SORCS2: variants seen among roughly 807,000 people sequenced by gnomAD.
SORCS2 encodes the protein sortilin related VPS10 domain containing receptor 2.
A neutral mutation model predicts 141.6 loss-of-function variants in SORCS2; 100 were observed. The ratio of observed to expected loss-of-function variants is 0.71; its 90% CI spans 0.60 to 0.83. The LOEUF (loss-of-function observed/expected upper bound fraction) is 0.83. Ranked by LOEUF, SORCS2 falls within the 40% of genes least tolerant of loss-of-function variation. The pLI, the probability that SORCS2 is intolerant of heterozygous loss-of-function variation, is 0.00. For synonymous variants in SORCS2, 789 were observed against 676.9 expected (o/e 1.17, Z -2.57); for missense variants, 1,646 against 1,560.2 (o/e 1.05, Z -0.93).
intron 3 of SORCS2, among the ~76,000 whole-genome samples, chr4:7,631,551 C>A (rs1276617085): frequency 6.6e-6 from 1 of 152,148 alleles, no homozygotes; most frequent in Non-Finnish European, 1.5e-5. Flanking sequence ...CCACTTTGGC[C>A]CAGCCTGGGT....
intron 7 of SORCS2, among the ~76,000 whole-genome samples, chr4:7,666,551 T>C (rs1013645435): frequency 6.6e-6 from 1 of 152,092 alleles, no homozygotes; most frequent in Non-Finnish European, 1.5e-5. Flanking sequence ...ACCAACAAGG[T>C]GGCGGTGCTG....
chr4:7,296,718 C>T (rs887741957), intron 1 of SORCS2, among the ~76,000 whole-genome samples: 1 of 152,206 alleles, frequency 6.6e-6, no homozygotes, highest in African/African-American at 2.4e-5. Context: ...AGTTAATATT[C>T]ACTAACACGG....
chr4:7,487,833 T>G (rs1731087019), intron 2 of SORCS2, among the ~76,000 whole-genome samples: 1 of 152,118 alleles, frequency 6.6e-6, no homozygotes, highest in Non-Finnish European at 1.5e-5. Flanking sequence ...TCTCTGCGCT[T>G]TAATTAGGGG....
chr4:7,556,105 A>AATGATCCTCT (rs1714086098), intron 3 of SORCS2, among the ~76,000 whole-genome samples: 1 of 152,160 alleles, frequency 6.6e-6, no homozygotes, highest in African/African-American at 2.4e-5. Context: ...TTGTATTTGG[A>AATGATCCTCT]ATGATCCTCT....
At chr4:7,378,123 A>G (rs1464817371) in intron 1 of SORCS2, among the ~76,000 whole-genome samples, 1 of 152,232 alleles carries the variant, frequency 6.6e-6, no homozygotes, top group Non-Finnish European at 1.5e-5. Flanking sequence ...AGGCATATTT[A>G]TATCAAATAC....
intron 5 of SORCS2, among the ~76,000 whole-genome samples, chr4:7,660,313 G>A (rs543179673): frequency 3.3e-4 from 50 of 151,472 alleles, no homozygotes; most frequent in South Asian, 1.7e-3. Flanking sequence ...CACAGCCCCC[G>A]CCTGAGTGTC....
rs1052713944 is a variant in SORCS2 at position 7,299,922 on chromosome 4, A to C, written c.481-96366A>C. Among the ~76,000 whole-genome samples the C allele has an allele frequency of 4.6e-5, 7 of 152,198 alleles. No homozygotes were observed. The East Asian group carries it at 1.3e-3, about 29-fold the overall frequency. On this transcript the variant is annotated intron_variant, in intron 1 of 26. Coordinates refer to ENST00000507866, the MANE Select transcript of SORCS2 (RefSeq NM_020777.3). ...CCCGCTGGACACTGCACCCTGCTCC[A>C]ACTGCGGCTGCCTTCTGAGCTGAGG...
In SORCS2 at chr4:7,614,091, C is replaced by A. The variant is rs573110717; in HGVS notation, c.649-24237C>A. 2.0e-5 allele frequency among the ~76,000 whole-genome samples: 3 copies of A among 151,886 alleles called. No homozygotes were observed. In the East Asian group the frequency reaches 5.9e-4, roughly 30 times the overall value. The stretch of plus-strand genomic sequence containing the variant: ...AACCACGATCCATTCATCCACCCAC[C>A]CATCACCATCCATTCATCCATCCTC... On this transcript the variant is annotated intron_variant, in intron 3 of 26. Transcript: ENST00000507866.
intron 2 of SORCS2, among the ~76,000 whole-genome samples, chr4:7,401,310 G>C (rs916280764): frequency 2.0e-5 from 3 of 152,078 alleles, no homozygotes; most frequent in Non-Finnish European, 4.4e-5. Flanking sequence ...TGGATGGATA[G>C]GCAGACAGAT....
At chr4:7,521,416 A>G (rs1733321259) in intron 2 of SORCS2, among the ~76,000 whole-genome samples, 1 of 151,318 alleles carries the variant, frequency 6.6e-6, no homozygotes, top group South Asian at 2.1e-4. Flanking sequence ...CCCCTTTCAC[A>G]CTCAGAATCT....
chr4:7,667,691 A>T (rs1442501229), intron 8 of SORCS2, among the ~76,000 whole-genome samples: 1 of 152,260 alleles, frequency 6.6e-6, no homozygotes, highest in East Asian at 1.9e-4. Context: ...GCCACCTAGT[A>T]TGCTGCCTGG....
At chr4:7,494,456 G>GGAA (rs1253306942) in intron 2 of SORCS2, among the ~76,000 whole-genome samples, 134 of 152,294 alleles carry the variant, frequency 8.8e-4, no homozygotes, top group African/African-American at 3.0e-3. Flanking sequence ...GTCAGGTTCT[G>GGAA]GTGTGGGCCT....
At chr4:7,717,800 CT>C (rs1726293570) in intron 17 of SORCS2, among the ~76,000 whole-genome samples, 2 of 152,244 alleles carry the variant, frequency 1.3e-5, no homozygotes, top group African/African-American at 4.8e-5. Context: ...ATCAGTCCTT[CT>C]TCCTCTGAGC....
At chr4:7,207,220 C>A (rs1384460596) in intron 1 of SORCS2, among the ~76,000 whole-genome samples, 1 of 152,222 alleles carries the variant, frequency 6.6e-6, no homozygotes. Flanking sequence ...GCTTTTCATT[C>A]TTTGTCTGTG....
intron 1 of SORCS2, among the ~76,000 whole-genome samples, chr4:7,211,060 C>T (rs1290522198): frequency 2.6e-5 from 4 of 152,232 alleles, no homozygotes; most frequent in Non-Finnish European, 5.9e-5. Flanking sequence ...CACAAAATCA[C>T]TTGTGCAAGA....
At chr4:7,256,625 G>A (rs987516008) in intron 1 of SORCS2, among the ~76,000 whole-genome samples, 1 of 151,764 alleles carries the variant, frequency 6.6e-6, no homozygotes, top group Admixed American at 6.6e-5. Flanking sequence ...CTCGGAGCCC[G>A]GGAGGCAGGA....
At chr4:7,615,974 A>T (rs1421819464) in intron 3 of SORCS2, among the ~76,000 whole-genome samples, 1 of 152,210 alleles carries the variant, frequency 6.6e-6, no homozygotes, top group Non-Finnish European at 1.5e-5. Flanking sequence ...CTTATACTAA[A>T]ATTATGTGAT....
chr4:7,572,272 C>G (rs1201485758), intron 3 of SORCS2, among the ~76,000 whole-genome samples: 1 of 152,054 alleles, frequency 6.6e-6, no homozygotes, highest in East Asian at 1.9e-4. Context: ...GGATATGCAC[C>G]CCTACTGTTT....
intron 19 of SORCS2, 47 bp from the exon 20 acceptor site, chr4:7,725,107 C>T (rs759248261): frequency 1.9e-6 from 3 of 1,589,560 alleles, no homozygotes; most frequent in Non-Finnish European, 2.6e-6. Context: ...TCTGAAATGC[C>T]CCATGCCCTG....
Sources: gnomAD v4.1 joint callset for allele counts (sites outside exome capture counted in the v4.1 genomes callset) on GRCh38, gnomAD v4.1.1 for gene constraint, MANE v1.5 for transcripts, NCBI Gene and HGNC (gene_info 2026-07-23, HGNC 2026-07-21) for gene names.